The following SCOC variants were observed in gnomAD, a reference collection of about 807,000 sequenced individuals.
SCOC encodes the protein short coiled-coil protein.
In SCOC, 7 loss-of-function variants were observed where a neutral mutation model predicts 9.9. That is an observed-to-expected ratio of 0.71 (90% confidence interval 0.40 to 1.33). SCOC has a LOEUF of 1.33. SCOC is among the 40% of genes most tolerant of loss of function. The pLI, the probability that SCOC is intolerant of heterozygous loss-of-function variation, is 0.01. For synonymous variants in SCOC, 19 were observed against 28.2 expected (o/e 0.67, Z 1.03); for missense variants, 66 against 89.7 (o/e 0.74, Z 1.07).
intron 2 of SCOC, among the ~76,000 whole-genome samples, chr4:140,365,700 T>C (rs1727761447): frequency 6.6e-6 from 1 of 152,168 alleles, no homozygotes; most frequent in African/African-American, 2.4e-5. Flanking sequence ...AATGTGAAAA[T>C]GAAGAAGATG....
chr4:140,260,803 G>A (rs1452748024), intron 1 of SCOC, among the ~76,000 whole-genome samples: 3 of 152,114 alleles, frequency 2.0e-5, no homozygotes, highest in African/African-American at 7.2e-5. Context: ...CAGGTGGTCT[G>A]TAAAACACAC....
chr4:140,268,815 C>T (rs1428439929), intron 1 of SCOC, among the ~76,000 whole-genome samples: 1 of 152,108 alleles, frequency 6.6e-6, no homozygotes, highest in Non-Finnish European at 1.5e-5. Context: ...CACCTGTATC[C>T]CAGGCATTGT....
At position 140,382,304 on chromosome 4, in the gene SCOC, A is replaced by G. The variant is rs934692110; in HGVS notation, c.*1200A>G. On this transcript the variant is annotated 3_prime_UTR_variant, in exon 4 of 4. Transcript: ENST00000608372. Reference sequence around the variant, plus strand: ...GATTCCATTTGGTAAGGAAATCAATATTGGAAGTATTGCTAAAATCTTATA... The same window carrying G: ...GATTCCATTTGGTAAGGAAATCAATGTTGGAAGTATTGCTAAAATCTTATA... 1.3e-5 allele frequency: 2 copies of G among 152,474 alleles called. No individual in the cohort carries two copies. Among genetic ancestry groups the G allele is most frequent in the African/African-American group, 4.8e-5 (2 of 41,452 alleles). The allele number at this position is 152,474 out of a possible 1,614,324, so 9.4% of individuals were successfully genotyped here.
intron 2 of SCOC, among the ~76,000 whole-genome samples, chr4:140,345,252 C>G (rs1726683879): frequency 6.6e-6 from 1 of 152,162 alleles, no homozygotes; most frequent in African/African-American, 2.4e-5. Flanking sequence ...CCAACGTCCC[C>G]TTGCTCCCAA....
upstream of SCOC, among the ~76,000 whole-genome samples, chr4:140,342,339 A>G (rs1385090600): frequency 6.6e-6 from 1 of 152,082 alleles, no homozygotes; most frequent in Non-Finnish European, 1.5e-5. Flanking sequence ...TCAGCTGCAT[A>G]TATTTTTTTC....
intron 1 of SCOC, among the ~76,000 whole-genome samples, chr4:140,303,421 C>T (rs190783944): frequency 1.3e-3 from 200 of 152,274 alleles, no homozygotes; most frequent in African/African-American, 4.7e-3. Flanking sequence ...GCCCTGTGGC[C>T]CTGCTGCCAA....
intron 2 of SCOC, among the ~76,000 whole-genome samples, chr4:140,362,299 CT>C (rs1183789218): frequency 5.0e-4 from 19 of 38,374 alleles, no homozygotes; most frequent in African/African-American, 9.7e-4. Flanking sequence ...TCTTCTTCTT[CT>C]TTTTTTTTTT....
chr4:140,369,524 C>T (rs896235418), upstream of SCOC, among the ~76,000 whole-genome samples: 2 of 152,144 alleles, frequency 1.3e-5, no homozygotes, highest in South Asian at 4.1e-4. Context: ...ATCCACAGTA[C>T]GTTTAGAACC....
At chr4:140,310,586 A>C (rs150577267) in intron 1 of SCOC, among the ~76,000 whole-genome samples, 1 of 152,322 alleles carries the variant, frequency 6.6e-6, no homozygotes, top group Non-Finnish European at 1.5e-5. Context: ...TCCCTCGTGC[A>C]TTCCTGCTTT....
intron 1 of SCOC, among the ~76,000 whole-genome samples, chr4:140,307,034 G>A (rs767131282): frequency 6.6e-5 from 10 of 152,060 alleles, no homozygotes; most frequent in Admixed American, 1.3e-4. Context: ...GTGATTAATG[G>A]GGTCTGTGCT....
chr4:140,302,865 A>C (rs1169864340), intron 1 of SCOC, among the ~76,000 whole-genome samples: 1 of 152,232 alleles, frequency 6.6e-6, no homozygotes, highest in Non-Finnish European at 1.5e-5. Context: ...TGACTGTGCA[A>C]TCACACAGCC....
At chr4:140,296,865 T>A (rs1731655261) in intron 1 of SCOC, among the ~76,000 whole-genome samples, 1 of 152,246 alleles carries the variant, frequency 6.6e-6, no homozygotes, top group African/African-American at 2.4e-5. Context: ...CTGTGGCTGC[T>A]GAGTGACTCT....
At chr4:140,322,591 G>A (rs1162079734) in intron 1 of SCOC, among the ~76,000 whole-genome samples, 1 of 152,198 alleles carries the variant, frequency 6.6e-6, no homozygotes, top group Non-Finnish European at 1.5e-5. Flanking sequence ...TGATGAACTA[G>A]GATATTTGGC....
rs1728645890 is a variant in SCOC at position 140,384,316 on chromosome 4, C to T, written c.*3212C>T. The T allele has an allele frequency of 6.6e-6, 1 of 152,160 alleles. No individual in the cohort carries two copies. The highest frequency in any genetic ancestry group is 1.5e-5 in the Non-Finnish European group (1 of 68,034). 9.4% of individuals were successfully genotyped at this position (152,160 alleles called of 1,614,324 possible). A position where few individuals can be genotyped will look rare whatever the true frequency, so the allele number is the denominator to read the frequency against. On this transcript the variant is annotated 3_prime_UTR_variant, in exon 4 of 4. Transcript: ENST00000608372. ...ATGCAATACTTCAGGATAATTTCTT[C>T]ATTAGAAATATAGGTGGTACACAGT...
At chr4:140,303,658 T>C (rs1001229953) in intron 1 of SCOC, among the ~76,000 whole-genome samples, 10 of 152,192 alleles carry the variant, frequency 6.6e-5, no homozygotes, top group Non-Finnish European at 1.0e-4. Flanking sequence ...CAGTTCAAAG[T>C]TCTGAGTTCC....
chr4:140,380,194 C>CTTTTTTTTTTT (rs993271002), intron 3 of SCOC, among the ~76,000 whole-genome samples: 29 of 108,404 alleles, frequency 2.7e-4, no homozygotes, highest in Non-Finnish European at 3.9e-4. Flanking sequence ...TTTTCTTTTT[C>CTTTTTTTTTTT]TTTTTTTTTT....
chr4:140,289,411 G>T (rs1731403230), intron 1 of SCOC, among the ~76,000 whole-genome samples: 1 of 152,206 alleles, frequency 6.6e-6, no homozygotes, highest in Non-Finnish European at 1.5e-5. Flanking sequence ...GTGATAGAGT[G>T]AGTGTGTCCC....
At chr4:140,343,464 A>G (rs1211839202) in exon 1 of SCOC, 1 of 550,718 alleles carries the variant, frequency 1.8e-6, no homozygotes, top group African/African-American at 1.9e-5. Context: ...AGAATGCAAC[A>G]CTCAGGTGAG....
intron 1 of SCOC, chr4:140,285,276 A>C: frequency 2.2e-6 from 1 of 456,754 alleles, no homozygotes; most frequent in Non-Finnish European, 4.4e-6. Context: ...TTTCTTAAGG[A>C]GCCAAAAGAG....
Sources: allele counts gnomAD v4.1 joint callset (sites outside exome capture counted in the v4.1 genomes callset), GRCh38; gene constraint gnomAD v4.1.1; transcripts MANE v1.5; gene names NCBI Gene and HGNC (gene_info 2026-07-23, HGNC 2026-07-21).